The following CSMD2 variants were observed in gnomAD, a reference collection of about 807,000 sequenced individuals.
CSMD2 encodes the protein CUB and Sushi multiple domains 2, also known as CUB and sushi domain-containing protein 2.
Under a neutral mutation model 398.5 loss-of-function variants are expected in CSMD2, and 130 were observed. The observed-to-expected ratio is 0.33, with a 90% CI of 0.28 to 0.38. CSMD2 has a LOEUF of 0.38. CSMD2 is among the 10% of genes least tolerant of loss of function. CSMD2 has a pLI of 1.00. For missense variants in CSMD2, 3,829 were observed against 4,764.9 expected, an observed-to-expected ratio of 0.80 and a Z score of 5.78; for synonymous variants, 1,828 against 1,908.5, an observed-to-expected ratio of 0.96 and a Z score of 1.10.
chr1:33,556,111 C>A (rs1317041114), intron 55 of CSMD2, among the ~76,000 whole-genome samples: 1 of 152,122 alleles, frequency 6.6e-6, no homozygotes, highest in African/African-American at 2.4e-5. Context: ...ACTGAATTAA[C>A]TTTAGAGAAA....
chr1:33,609,739 C>T (rs1443369074), intron 41 of CSMD2, among the ~76,000 whole-genome samples: 2 of 151,934 alleles, frequency 1.3e-5, no homozygotes, highest in Non-Finnish European at 2.9e-5. Flanking sequence ...ATAGCTACAG[C>T]AATATATATA....
chr1:33,805,002 C>T, intron 10 of CSMD2: 1 of 657,370 alleles, frequency 1.5e-6, no homozygotes. Flanking sequence ...TCTGCACACT[C>T]TAAGCGGTGC....
At chr1:33,864,166 T>C in intron 5 of CSMD2, 1 of 1,568,600 alleles carries the variant, frequency 6.4e-7, no homozygotes, top group Non-Finnish European at 8.6e-7. Flanking sequence ...CGTTACTGAA[T>C]CCAGAAAAAA....
chr1:33,732,285 G>T (rs945432814), intron 15 of CSMD2, among the ~76,000 whole-genome samples: 6 of 152,224 alleles, frequency 3.9e-5, no homozygotes, highest in African/African-American at 1.2e-4. Flanking sequence ...TGAAATACTG[G>T]TTGATAGGCA....
chr1:33,770,274 T>C (rs959766413), intron 13 of CSMD2, among the ~76,000 whole-genome samples: 3 of 152,262 alleles, frequency 2.0e-5, no homozygotes, highest in African/African-American at 7.2e-5. Flanking sequence ...TGCTTGGCTT[T>C]AGCCACAAAG....
At chr1:33,659,681 T>C (rs1360796230) in intron 26 of CSMD2, among the ~76,000 whole-genome samples, 1 of 152,206 alleles carries the variant, frequency 6.6e-6, no homozygotes, top group Non-Finnish European at 1.5e-5. Context: ...CAGGAGGACA[T>C]CAGCGGAAAA....
intron 3 of CSMD2, among the ~76,000 whole-genome samples, chr1:33,954,679 C>T (rs955414767): frequency 1.4e-4 from 21 of 152,008 alleles, no homozygotes; most frequent in African/African-American, 4.4e-4. Context: ...ACTGTGAGGA[C>T]ATCATGGTAA....
At position 33,605,427 on chromosome 1, in the gene CSMD2, A is replaced by G. The variant is rs761419949; in HGVS notation, c.6387T>C (p.Asn2129=). The part of the protein sequence containing the change: ...QECPDPEPFA[N]GIVRGAGYNV... ...TGTAGCCAGCTCCCCTCACAATGCC[A>G]TTGGCAAAGGGCTCTGGGTCTGGGC... is the stretch of plus-strand genomic sequence containing the variant. The change falls in exon 42 of 71, where the codon AAT becomes AAC. Residue 2129 remains asparagine (N), a synonymous_variant. Transcript: ENST00000373381. 5.0e-6 allele frequency: 8 copies of G among 1,614,094 alleles called. No homozygotes were observed. In the African/African-American group the frequency reaches 8.0e-5, roughly 16 times the overall value.
chr1:34,103,250 T>C (rs2148417974), intron 1 of CSMD2, among the ~76,000 whole-genome samples: 1 of 151,760 alleles, frequency 6.6e-6, no homozygotes, highest in East Asian at 1.9e-4. Flanking sequence ...GATATAATGA[T>C]ATGTTTATGT....
At chr1:33,831,185 G>A (rs1235814754) in intron 6 of CSMD2, among the ~76,000 whole-genome samples, 2 of 151,914 alleles carry the variant, frequency 1.3e-5, no homozygotes, top group African/African-American at 4.8e-5. Flanking sequence ...TCCTCGAGAA[G>A]AGCAACTCTA....
intron 3 of CSMD2, among the ~76,000 whole-genome samples, chr1:34,021,487 C>CCTGGGAGGGG (rs1648875208): frequency 6.6e-6 from 1 of 152,300 alleles, no homozygotes; most frequent in Non-Finnish European, 1.5e-5. Flanking sequence ...AGGGATCCAT[C>CCTGGGAGGGG]CTGGGAGGGG....
chr1:33,658,986 G>T (rs1001850837), intron 26 of CSMD2, among the ~76,000 whole-genome samples: 3 of 152,186 alleles, frequency 2.0e-5, no homozygotes, highest in Non-Finnish European at 2.9e-5. Flanking sequence ...CTGAAGTTAG[G>T]TCAAGATCAT....
In CSMD2 at chr1:33,663,312, G is replaced by A. The variant is rs954518847; in HGVS notation, c.4053-220C>T. Among the ~76,000 whole-genome samples the A allele has an allele frequency of 4.6e-5, 7 of 152,244 alleles. No individual in the cohort carries two copies. The South Asian group carries it at 1.2e-3, about 27-fold the overall frequency. On this transcript the variant is annotated intron_variant, in intron 25 of 70. Transcript: ENST00000373381. ...CCTCCAGCAATGGGGACAAGGGTGC[G>A]AGGTGTAGGTTTTGTGCATCCTTTT...
intron 1 of CSMD2, among the ~76,000 whole-genome samples, chr1:34,136,432 C>T (rs919971348): frequency 3.3e-5 from 5 of 152,232 alleles, no homozygotes; most frequent in African/African-American, 9.6e-5. Flanking sequence ...CCAGTGTGGA[C>T]GTATCCCATA....
chr1:33,950,448 T>C (rs1417254046), intron 3 of CSMD2, among the ~76,000 whole-genome samples: 1 of 142,634 alleles, frequency 7.0e-6, no homozygotes. Context: ...ATAGTCATGC[T>C]GGTGTGTTGG....
intron 13 of CSMD2, among the ~76,000 whole-genome samples, chr1:33,745,916 G>C (rs1418408787): frequency 6.6e-6 from 1 of 152,148 alleles, no homozygotes; most frequent in Non-Finnish European, 1.5e-5. Flanking sequence ...CTACGAGGTA[G>C]GTATTGTTAT....
At chr1:33,748,934 A>G (rs1439380731) in intron 13 of CSMD2, among the ~76,000 whole-genome samples, 1 of 152,180 alleles carries the variant, frequency 6.6e-6, no homozygotes, top group African/African-American at 2.4e-5. Context: ...TCACAATGCA[A>G]AAACTGTTGG....
chr1:33,564,309 C>T (rs1658850423), intron 53 of CSMD2, among the ~76,000 whole-genome samples: 1 of 152,170 alleles, frequency 6.6e-6, no homozygotes, highest in African/African-American at 2.4e-5. Flanking sequence ...GAGATGTAAA[C>T]CCAGGCAATC....
chr1:33,607,509 G>A (rs996827879), intron 41 of CSMD2, among the ~76,000 whole-genome samples: 2 of 152,204 alleles, frequency 1.3e-5, no homozygotes, highest in African/African-American at 2.4e-5. Context: ...TCCGTACGGC[G>A]GAGGAAGGTG....
Sources: allele counts gnomAD v4.1 joint callset (sites outside exome capture counted in the v4.1 genomes callset), GRCh38; gene constraint gnomAD v4.1.1; transcripts MANE v1.5; gene names NCBI Gene and HGNC (gene_info 2026-07-23, HGNC 2026-07-21).